Variants in PHLDB3 observed in about 807,000 individuals in gnomAD.
PHLDB3 encodes pleckstrin homology like domain family B member 3, also known as pleckstrin homology-like domain family B member 3.
A neutral mutation model predicts 85.7 loss-of-function variants in PHLDB3; 86 were observed. The ratio of observed to expected loss-of-function variants is 1.00; its 90% confidence interval spans 0.84 to 1.20. The LOEUF (loss-of-function observed/expected upper bound fraction) is 1.20. Ranked by LOEUF, PHLDB3 falls within the 50% of genes most tolerant of loss-of-function variation. The pLI is 0.00. For synonymous variants in PHLDB3, 376 were observed against 349.8 expected, an observed-to-expected ratio of 1.07 and a Z score of -0.83; for missense variants, 995 against 873.0, an observed-to-expected ratio of 1.14 and a Z score of -1.76.
At chr19:43,500,923 C>A (rs543061576) in intron 4 of PHLDB3, among the ~76,000 whole-genome samples, 1,240 of 105,808 alleles carry the variant, frequency 0.012, 170 homozygotes, top group Non-Finnish European at 0.019. Context: ...CCCCCCCACC[C>A]CGCAAGTACT....
intron 13 of PHLDB3, among the ~76,000 whole-genome samples, chr19:43,482,222 G>A (rs1262232020): frequency 6.6e-6 from 1 of 152,174 alleles, no homozygotes; most frequent in African/African-American, 2.4e-5. Context: ...GGATGGGCTT[G>A]GGACTCCACC....
chr19:43,482,738 A>G (rs1490429775), intron 13 of PHLDB3, among the ~76,000 whole-genome samples: 1 of 152,096 alleles, frequency 6.6e-6, no homozygotes, highest in African/African-American at 2.4e-5. Flanking sequence ...GGGTTTCTCC[A>G]TGTTGGTCAG....
At chr19:43,485,493 G>A (rs1321414283) in intron 13 of PHLDB3, among the ~76,000 whole-genome samples, 3 of 151,526 alleles carry the variant, frequency 2.0e-5, no homozygotes, top group African/African-American at 4.9e-5. Flanking sequence ...TTACAGGCGT[G>A]AGCCACTGCG....
chr19:43,501,896 G>A, intron 3 of PHLDB3, 25 bp from the exon 4 acceptor site: 2 of 1,564,564 alleles, frequency 1.3e-6, no homozygotes, highest in South Asian at 1.2e-5. Flanking sequence ...CCAGGGCTGG[G>A]GGCTCGGACG....
chr19:43,488,283 C>CT (rs1465585712), intron 9 of PHLDB3, among the ~76,000 whole-genome samples: 2 of 151,990 alleles, frequency 1.3e-5, no homozygotes, highest in Admixed American at 6.6e-5. Flanking sequence ...TGGTGAAACT[C>CT]TGTCTCTACA....
chr19:43,487,746 G>C (rs565497311), intron 9 of PHLDB3, among the ~76,000 whole-genome samples: 1 of 151,956 alleles, frequency 6.6e-6, no homozygotes, highest in Non-Finnish European at 1.5e-5. Flanking sequence ...TTCTAAAATT[G>C]ATTGTGGTAA....
chr19:43,483,339 G>A (rs1334807455), intron 13 of PHLDB3, among the ~76,000 whole-genome samples: 2 of 151,718 alleles, frequency 1.3e-5, no homozygotes, highest in Non-Finnish European at 2.9e-5. Flanking sequence ...GCAGTGGGGC[G>A]ATTATAGCTC....
At chr19:43,494,956 G>C in intron 8 of PHLDB3, 141 bp from the exon 9 acceptor site, 2 of 667,368 alleles carry the variant, frequency 3.0e-6, no homozygotes, top group Non-Finnish European at 5.2e-6. Context: ...GTGGTCCTTC[G>C]TGTCCAGTCT....
chr19:43,492,114 G>A (rs1389910668), intron 9 of PHLDB3, among the ~76,000 whole-genome samples: 5 of 150,830 alleles, frequency 3.3e-5, no homozygotes, highest in East Asian at 2.0e-4. Flanking sequence ...CACCACACCC[G>A]GCTAATTTTT....
rs551996519 is a variant in PHLDB3 at position 43,500,359 on chromosome 19, C to G, written c.534+1375G>C. On this transcript the variant is annotated intron_variant, in intron 4 of 15. Transcript: ENST00000292140. ...ATACGATCAAACCTCTCCCTCTAACCAACACCCACTTGCAGAAACAGAGGC... is the reference window on the plus strand; with the variant it reads ...ATACGATCAAACCTCTCCCTCTAACGAACACCCACTTGCAGAAACAGAGGC... Among the ~76,000 whole-genome samples, 5 of 152,246 alleles carry G rather than the reference C, an allele frequency of 3.3e-5. No homozygotes were observed. The East Asian group carries it at 9.7e-4, about 29-fold the overall frequency.
At chr19:43,491,626 C>A (rs1006614904) in intron 9 of PHLDB3, among the ~76,000 whole-genome samples, 8 of 150,160 alleles carry the variant, frequency 5.3e-5, no homozygotes, top group African/African-American at 2.0e-4. Flanking sequence ...CTCAGCCTCC[C>A]GAGTAACTGG....
Position 43,478,033 on chromosome 19 carries a change from T to A in PHLDB3, c.1788+14A>T. On this transcript the variant is annotated intron_variant, in intron 15 of 15. Coordinates refer to ENST00000292140, the MANE Select transcript of PHLDB3 (RefSeq NM_198850.4). ...CTCCAACTGGGAGGTCAGGGTGACA[T>A]TGAGGGGCTTCACCTTGAAGGCACA... The A allele has an allele frequency of 6.2e-7, 1 of 1,601,632 alleles. No homozygotes were observed. Among genetic ancestry groups the A allele is most frequent in the Non-Finnish European group, 8.6e-7 (1 of 1,169,312 alleles).
chr19:43,489,183 G>GA (rs200094321), intron 9 of PHLDB3, among the ~76,000 whole-genome samples: 120 of 151,636 alleles, frequency 7.9e-4, no homozygotes, highest in Non-Finnish European at 1.5e-3. Flanking sequence ...AAAAAGAAAA[G>GA]AAAAAAAACA....
In PHLDB3 at chr19:43,502,182, C is replaced by A. The variant is rs775920456; in HGVS notation, c.315G>T (p.Gln105His). The change falls in exon 3 of 16, where the codon CAG becomes CAT. Residue 105 changes from glutamine to histidine, a missense_variant. Physicochemically the swap from Gln to His is conservative, Grantham distance 24. Transcript: ENST00000292140. ...GGGCCACACGAGTCAATGCCTCCAG[C>A]TGCTGTCCTTGCAGGCGCCGCGCCG... ...RGAARRLQGQQLEALTRVALM... is the reference protein window; with the variant it reads ...RGAARRLQGQHLEALTRVALM... 5 of 1,578,578 alleles carry A rather than the reference C, an allele frequency of 3.2e-6. No homozygotes were observed. In the African/African-American group the frequency reaches 5.4e-5, roughly 17 times the overall value.
In PHLDB3 at chr19:43,487,126, G is replaced by A; in HGVS notation, c.1150-3C>T. The A allele has an allele frequency of 6.4e-7, 1 of 1,556,414 alleles. No individual in the cohort carries two copies. The highest frequency in any genetic ancestry group is 8.7e-7 in the Non-Finnish European group (1 of 1,149,412). Reference sequence around the variant, plus strand: ...GTCCTCTGGAGGCCAATGGAGCCCTGAAAACACAAAAGGCTCATGAGCATA... The same window carrying A: ...GTCCTCTGGAGGCCAATGGAGCCCTAAAAACACAAAAGGCTCATGAGCATA... On this transcript the variant is annotated splice_polypyrimidine_tract_variant and splice_region_variant and intron_variant, in intron 9 of 15. Coordinates refer to ENST00000292140, the MANE Select transcript of PHLDB3 (RefSeq NM_198850.4).
intron 9 of PHLDB3, among the ~76,000 whole-genome samples, chr19:43,487,655 T>C (rs886245220): frequency 2.0e-5 from 3 of 149,808 alleles, no homozygotes; most frequent in Admixed American, 2.0e-4. Flanking sequence ...GGAAGTAGAA[T>C]TGTGGTTGCC....
At chr19:43,476,974 A>T (rs1159623359) in intron 15 of PHLDB3, among the ~76,000 whole-genome samples, 1 of 144,490 alleles carries the variant, frequency 6.9e-6, no homozygotes, top group Admixed American at 6.9e-5. Flanking sequence ...TTTAAAAAAT[A>T]AAAAAAAAAA....
chr19:43,485,506 C>T (rs1971134972), intron 13 of PHLDB3, among the ~76,000 whole-genome samples: 3 of 151,388 alleles, frequency 2.0e-5, no homozygotes, highest in Admixed American at 1.3e-4. Flanking sequence ...CCACTGCGCC[C>T]GGCCTAAAAA....
chr19:43,476,494 GAAAAACAAAAC>G (rs1970931003), intron 15 of PHLDB3, among the ~76,000 whole-genome samples: 4 of 151,798 alleles, frequency 2.6e-5, no homozygotes, highest in Non-Finnish European at 5.9e-5. Context: ...AAAAATACCA[GAAAAACAAAAC>G]AAAACAAATT....
Sources: gnomAD v4.1 joint callset for allele counts (sites outside exome capture counted in the v4.1 genomes callset) on GRCh38, gnomAD v4.1.1 for gene constraint, MANE v1.5 for transcripts, NCBI Gene and HGNC (gene_info 2026-07-23, HGNC 2026-07-21) for gene names.